PDCD6IP: variants seen among roughly 807,000 people sequenced by gnomAD.
PDCD6IP encodes the protein programmed cell death 6-interacting protein.
Under a neutral mutation model 103.7 loss-of-function variants are expected in PDCD6IP, and 43 were observed. The ratio of observed to expected loss-of-function variants is 0.41; its 90% CI spans 0.32 to 0.53. The LOEUF (loss-of-function observed/expected upper bound fraction) is 0.53, where lower values mean the gene tolerates loss of function less well. PDCD6IP is among the 20% of genes least tolerant of loss of function. The probability of loss-of-function intolerance (pLI) is 0.16; values close to 1 mark genes in which losing one functional copy is unlikely to be tolerated. For synonymous variants in PDCD6IP, 354 were observed against 378.7 expected, an observed-to-expected ratio of 0.93 and a Z score of 0.76; for missense variants, 871 against 1,036.7, an observed-to-expected ratio of 0.84 and a Z score of 2.20.
chr3:33,799,049 C>A (rs1031347290), intron 1 of PDCD6IP, 112 bp downstream of exon 1: 3 of 1,058,514 alleles, frequency 2.8e-6, no homozygotes, highest in South Asian at 1.6e-5. Context: ...CGCCCCGTCC[C>A]GGCCTGACCA....
chr3:33,827,810 A>G (rs1451267292), intron 6 of PDCD6IP: 1 of 152,158 alleles, frequency 6.6e-6, no homozygotes, highest in African/African-American at 2.4e-5. Flanking sequence ...GCATGAGTGT[A>G]GTTTGAAATT....
At position 33,865,394 on chromosome 3, in the gene PDCD6IP, A is replaced by G. The variant is rs1164475737; in HGVS notation, c.2396A>G (p.Gln799Arg). Residue 799 changes from glutamine to arginine, a missense_variant, in exon 17 of 18, where the codon CAG becomes CGG. Physicochemically the swap from Gln to Arg is conservative, Grantham distance 43 (BLOSUM62 1). Around this residue, in one of 5 missense-constraint regions of PDCD6IP, gnomAD observed 202 missense variants for 205.2 expected, o/e 0.98. Coordinates refer to ENST00000307296, the MANE Select transcript of PDCD6IP (RefSeq NM_013374.6). ...GGCTCAGCTCCTCCTCCACAGGCGC[A>G]GGGACCACCCTATCCCACCTATCCA... Reference protein sequence around the residue: ...TPGSAPPPQAQGPPYPTYPGY... With the variant: ...TPGSAPPPQARGPPYPTYPGY... 2 of 1,599,350 alleles carry G rather than the reference A, an allele frequency of 1.3e-6. No individual in the cohort carries two copies. Among genetic ancestry groups the G allele is most frequent in the Non-Finnish European group, 1.7e-6 (2 of 1,173,666 alleles).
intron 1 of PDCD6IP, 129 bp from the exon 2 acceptor site, chr3:33,811,942 CT>C (rs34438974): frequency 1.9e-5 from 24 of 1,286,632 alleles, no homozygotes; most frequent in African/African-American, 3.1e-5. Flanking sequence ...TATTAAAAAA[CT>C]TTTTTTCATA....
chr3:33,862,522 G>C (rs910979233), intron 15 of PDCD6IP, among the ~76,000 whole-genome samples: 1 of 152,108 alleles, frequency 6.6e-6, no homozygotes, highest in Non-Finnish European at 1.5e-5. Context: ...TCAATTTACT[G>C]TTAGAGGAGA....
At chr3:33,803,025 C>T (rs561609817) in intron 1 of PDCD6IP, among the ~76,000 whole-genome samples, 1 of 152,292 alleles carries the variant, frequency 6.6e-6, no homozygotes, top group East Asian at 1.9e-4. Context: ...TTCTCTTTTT[C>T]ATTCACTTTT....
intron 1 of PDCD6IP, among the ~76,000 whole-genome samples, chr3:33,800,111 C>T (rs1210898238): frequency 1.6e-4 from 17 of 105,974 alleles, no homozygotes; most frequent in African/African-American, 6.4e-4. Context: ...CAGAGTGAGA[C>T]TCCATCTCAA....
At chr3:33,817,480 G>A (rs1329955499) in intron 3 of PDCD6IP, among the ~76,000 whole-genome samples, 1 of 152,214 alleles carries the variant, frequency 6.6e-6, no homozygotes, top group African/African-American at 2.4e-5. Flanking sequence ...GAGGCTGGAA[G>A]TGGTGGCTCG....
rs966663280 is a variant in PDCD6IP, at chr3:33,859,240, C to T, written c.2120+3980C>T. Among the ~76,000 whole-genome samples, 5 of 151,940 alleles carry T rather than the reference C, an allele frequency of 3.3e-5. No homozygotes were observed. The East Asian group carries it at 5.8e-4, about 18-fold the overall frequency. The stretch of plus-strand genomic sequence containing the variant: ...CAGAGTAAGTTCTGAGTGGACCAAA[C>T]TTGAAATTTGTAAATGAAATATAAG... On this transcript the variant is annotated intron_variant, in intron 15 of 17. Transcript: ENST00000307296.
At chr3:33,850,014 G>C (rs1247827044) in intron 12 of PDCD6IP, among the ~76,000 whole-genome samples, 1 of 152,112 alleles carries the variant, frequency 6.6e-6, no homozygotes, top group African/African-American at 2.4e-5. Context: ...TATCAGTCTG[G>C]TTGGATACCA....
intron 15 of PDCD6IP, among the ~76,000 whole-genome samples, chr3:33,855,959 G>A (rs1697818706): frequency 6.6e-6 from 1 of 152,218 alleles, no homozygotes; most frequent in Non-Finnish European, 1.5e-5. Context: ...GTTAGGCACT[G>A]GGCTGCACAG....
intron 9 of PDCD6IP, among the ~76,000 whole-genome samples, chr3:33,839,273 CT>C (rs1489498526): frequency 6.6e-6 from 1 of 152,158 alleles, no homozygotes; most frequent in Non-Finnish European, 1.5e-5. Flanking sequence ...TTTAGTTTTA[CT>C]TTTTATACAA....
chr3:33,845,415 C>T lies in PDCD6IP; in HGVS notation c.1472-4C>T. On this transcript the variant is annotated splice_polypyrimidine_tract_variant and splice_region_variant and intron_variant, in intron 11 of 17. Coordinates refer to ENST00000307296, the MANE Select transcript of PDCD6IP (RefSeq NM_013374.6). ...GTGCTCTGCAAACTTTTATTTTCTC[C>T]CAGAGGGAACCAACTTCAGAACAGT... is the stretch of plus-strand genomic sequence containing the variant. 1.2e-6 allele frequency: 2 copies of T among 1,609,000 alleles called. No homozygotes were observed. The highest frequency in any genetic ancestry group is 1.7e-6 in the Non-Finnish European group (2 of 1,177,106).
At chr3:33,799,996 T>A (rs1428022603) in intron 1 of PDCD6IP, among the ~76,000 whole-genome samples, 3 of 151,672 alleles carry the variant, frequency 2.0e-5, no homozygotes, top group African/African-American at 7.3e-5. Flanking sequence ...GGCGGGTGCC[T>A]GTAGTCCCAG....
chr3:33,856,125 G>A (rs1284020920), intron 15 of PDCD6IP, among the ~76,000 whole-genome samples: 1 of 152,194 alleles, frequency 6.6e-6, no homozygotes, highest in African/African-American at 2.4e-5. Flanking sequence ...TTCCTTATGA[G>A]ACTCTGACTA....
At chr3:33,828,324 G>C (rs1445498408) in intron 6 of PDCD6IP, among the ~76,000 whole-genome samples, 2 of 152,138 alleles carry the variant, frequency 1.3e-5, no homozygotes, top group East Asian at 3.9e-4. Flanking sequence ...TCTTCAGTAA[G>C]AACTCTCTTA....
chr3:33,817,502 C>G lies in PDCD6IP; in HGVS notation c.334+3874C>G, dbSNP rs538657997. Among the ~76,000 whole-genome samples the G allele has an allele frequency of 1.8e-3, 275 of 151,824 alleles. 3 individuals are homozygous for G. Among genetic ancestry groups the G allele is most frequent in the African/African-American group, 5.8e-3 (242 of 41,370 alleles). Reference sequence around the variant, plus strand: ...GAAGTGGTGGCTCGTGCCTGTAATCCCAGTACTTGGGGAGGCCAAGACAGG... The same window carrying G: ...GAAGTGGTGGCTCGTGCCTGTAATCGCAGTACTTGGGGAGGCCAAGACAGG... On this transcript the variant is annotated intron_variant, in intron 3 of 17. Transcript: ENST00000307296.
Position 33,836,161 on chromosome 3 carries a change from A to G in PDCD6IP, c.952A>G (p.Ile318Val), listed in dbSNP as rs775586049. The G allele has an allele frequency of 3.1e-6, 5 of 1,611,472 alleles. No homozygotes were observed. In the African/African-American group the frequency reaches 4.0e-5, roughly 13 times the overall value. Residue 318 changes from isoleucine (I) to valine (V), a missense_variant, in exon 8 of 18, where the codon ATT becomes GTT. Physicochemically the swap from Ile to Val is conservative, Grantham distance 29. Transcript: ENST00000307296. ...LAAAKKDNDF[I>V]YHDRVPDLKD... is the part of the protein sequence containing the mutation. Reference sequence around the variant, plus strand: ...TGCAGCAAAGAAGGATAATGACTTCATTTATCATGATCGAGTTCCAGACCT... The same window carrying G: ...TGCAGCAAAGAAGGATAATGACTTCGTTTATCATGATCGAGTTCCAGACCT...
chr3:33,810,430 A>C (rs1274536388), intron 1 of PDCD6IP, among the ~76,000 whole-genome samples: 2 of 152,112 alleles, frequency 1.3e-5, no homozygotes, highest in Non-Finnish European at 2.9e-5. Context: ...GATGTTTTAG[A>C]CTTGAATATT....
At chr3:33,822,202 A>T (rs1212625245) in intron 4 of PDCD6IP, 120 bp downstream of exon 4, 2 of 1,003,210 alleles carry the variant, frequency 2.0e-6, no homozygotes, top group African/African-American at 1.6e-5. Flanking sequence ...AAACGAATGC[A>T]CTTTTAAAAT....
Sources: allele counts gnomAD v4.1 joint callset (sites outside exome capture counted in the v4.1 genomes callset), GRCh38; gene constraint gnomAD v4.1.1; regional missense constraint gnomAD v4.1.1; transcripts MANE v1.5; gene names NCBI Gene and HGNC (gene_info 2026-07-23, HGNC 2026-07-21).